Variants in NUP62CL observed in about 807,000 individuals in gnomAD.
NUP62CL encodes the protein nucleoporin-62 C-terminal-like protein.
A neutral mutation model predicts 15.3 loss-of-function variants in NUP62CL; 13 were observed. That is an observed-to-expected ratio of 0.85 (90% CI 0.55 to 1.35). The LOEUF (loss-of-function observed/expected upper bound fraction) is 1.35, where lower values mean the gene tolerates loss of function less well. NUP62CL is among the 40% of genes most tolerant of loss of function. The pLI, the probability that NUP62CL is intolerant of heterozygous loss-of-function variation, is 0.00. For synonymous variants in NUP62CL, 54 were observed against 49.2 expected (o/e 1.10, Z -0.41); for missense variants, 123 against 130.6 (o/e 0.94, Z 0.28).
intron 4 of NUP62CL, among the ~76,000 whole-genome samples, chrX:107,165,104 C>G (rs1243923811): frequency 9.3e-6 from 1 of 107,371 alleles, no homozygotes; most frequent in Non-Finnish European, 1.9e-5. Flanking sequence ...CCGTCTCAAA[C>G]AAACAAACAA....
intron 4 of NUP62CL, among the ~76,000 whole-genome samples, chrX:107,162,077 T>A (rs1163842484): frequency 9.1e-6 from 1 of 110,006 alleles, no homozygotes; most frequent in Non-Finnish European, 1.9e-5. Context: ...AGAACTGAAA[T>A]GTAAAATAAC....
intron 7 of NUP62CL, 88 bp from the exon 8 acceptor site, chrX:107,147,897 C>A: frequency 1.4e-6 from 1 of 696,654 alleles, no homozygotes; most frequent in South Asian, 2.7e-5. Flanking sequence ...TAGGAAGTGA[C>A]TTTTAATTTC....
intron 8 of NUP62CL, among the ~76,000 whole-genome samples, chrX:107,146,585 C>A (rs1925888382): frequency 9.0e-6 from 1 of 111,200 alleles, no homozygotes; most frequent in Admixed American, 9.6e-5. Context: ...CTAATTTTAT[C>A]ATTCCTTCTT....
At chrX:107,178,886 G>A (rs1045239659) in intron 2 of NUP62CL, among the ~76,000 whole-genome samples, 6 of 110,241 alleles carry the variant, frequency 5.4e-5, no homozygotes, top group Non-Finnish European at 1.1e-4. Context: ...CAGGTCAAGA[G>A]ATAGAGACCA....
chrX:107,163,916 A>T (rs1926447922), intron 4 of NUP62CL, among the ~76,000 whole-genome samples: 2 of 111,957 alleles, frequency 1.8e-5, no homozygotes, highest in Non-Finnish European at 3.8e-5. Context: ...AAAGGCGGAG[A>T]TTTCAAAAAG....
At chrX:107,174,128 TC>T (rs2147808830) in intron 3 of NUP62CL, among the ~76,000 whole-genome samples, 1 of 71,189 alleles carries the variant, frequency 1.4e-5, no homozygotes, top group South Asian at 1.4e-3. Flanking sequence ...TCTCTCCCCC[TC>T]TCTCTCTTTC....
At chrX:107,147,873 T>G in intron 7 of NUP62CL, 64 bp from the exon 8 acceptor site, 1 of 887,356 alleles carries the variant, frequency 1.1e-6, no homozygotes, top group Non-Finnish European at 1.6e-6. Context: ...AAAATAAACA[T>G]AAGAAATTGA....
At chrX:107,124,407 C>CACATGATT in intron 8 of NUP62CL, 75 bp from the exon 9 acceptor site, 1 of 320,232 alleles carries the variant, frequency 3.1e-6, no homozygotes, top group Admixed American at 3.8e-5. Flanking sequence ...GTATTCCTTT[C>CACATGATT]AACACATGAT....
intron 7 of NUP62CL, among the ~76,000 whole-genome samples, chrX:107,152,311 T>C (rs980343869): frequency 9.5e-6 from 1 of 105,382 alleles, no homozygotes; most frequent in Non-Finnish European, 1.9e-5. Context: ...AAAAAAATGA[T>C]AGAATGCATA....
At chrX:107,166,516 C>A (rs1926519075) in intron 4 of NUP62CL, among the ~76,000 whole-genome samples, 1 of 111,798 alleles carries the variant, frequency 8.9e-6, no homozygotes, top group African/African-American at 3.2e-5. Context: ...TCTTAAAAAA[C>A]AAAACAAACA....
intron 2 of NUP62CL, among the ~76,000 whole-genome samples, chrX:107,182,728 T>C (rs895088754): frequency 2.7e-5 from 3 of 111,136 alleles, no homozygotes; most frequent in African/African-American, 9.8e-5. Flanking sequence ...AGAGAAAGGA[T>C]GTCTATTTAA....
At position 107,147,814 on chromosome X, in the gene NUP62CL, A is replaced by G; in HGVS notation, c.531-5T>C. Reference sequence around the variant, plus strand: ...AATTCTGCAGATCTGGTGGAGCTAAAAATACATATAAGACTTTTAGATTAT... The same window carrying G: ...AATTCTGCAGATCTGGTGGAGCTAAGAATACATATAAGACTTTTAGATTAT... On this transcript the variant is annotated splice_region_variant and splice_polypyrimidine_tract_variant and intron_variant, in intron 7 of 8. Coordinates refer to ENST00000372466, the MANE Select transcript of NUP62CL (RefSeq NM_017681.3). 8.5e-7 allele frequency: 1 copy of G among 1,173,328 alleles called. No individual in the cohort carries two copies. Among genetic ancestry groups the G allele is most frequent in the Non-Finnish European group, 1.2e-6 (1 of 861,700 alleles).
chrX:107,190,277 C>T (rs769974217), intron 2 of NUP62CL, among the ~76,000 whole-genome samples: 1 of 112,052 alleles, frequency 8.9e-6, no homozygotes, highest in Non-Finnish European at 1.9e-5. Context: ...TGTCATACTA[C>T]CCTAAAGATA....
chrX:107,195,417 A>G (rs1002179900), intron 1 of NUP62CL, among the ~76,000 whole-genome samples: 7 of 111,756 alleles, frequency 6.3e-5, no homozygotes, highest in African/African-American at 2.3e-4. Flanking sequence ...TTGATCCTAA[A>G]GATTTTGATA....
At chrX:107,134,793 T>C (rs1925601170) in intron 8 of NUP62CL, among the ~76,000 whole-genome samples, 1 of 111,925 alleles carries the variant, frequency 8.9e-6, no homozygotes, top group Non-Finnish European at 1.9e-5. Flanking sequence ...CATTGGAAAA[T>C]GACTTACCTT....
chrX:107,173,410 G>C (rs192802995), intron 3 of NUP62CL, among the ~76,000 whole-genome samples: 1 of 112,229 alleles, frequency 8.9e-6, no homozygotes, highest in Admixed American at 9.4e-5. Context: ...CATACTTAAA[G>C]TGAGTTAATT....
intron 2 of NUP62CL, among the ~76,000 whole-genome samples, chrX:107,182,999 A>G (rs953783501): frequency 9.0e-6 from 1 of 111,059 alleles, no homozygotes; most frequent in Non-Finnish European, 1.9e-5. Flanking sequence ...GGAGTTCAAG[A>G]CCACCCTGGG....
intron 1 of NUP62CL, among the ~76,000 whole-genome samples, chrX:107,202,000 C>T (rs1602670314): frequency 9.0e-6 from 1 of 111,573 alleles, no homozygotes; most frequent in East Asian, 2.8e-4. Flanking sequence ...TAAAGACACA[C>T]AAAACAATAT....
chrX:107,161,059 A>G (rs1349117210), intron 4 of NUP62CL, among the ~76,000 whole-genome samples: 1 of 111,579 alleles, frequency 9.0e-6, no homozygotes, highest in Non-Finnish European at 1.9e-5. Flanking sequence ...CATCAGAGAA[A>G]TGCAAATCAA....
Sources: allele counts gnomAD v4.1 joint callset (sites outside exome capture counted in the v4.1 genomes callset), GRCh38; gene constraint gnomAD v4.1.1; transcripts MANE v1.5; gene names NCBI Gene and HGNC (gene_info 2026-07-23, HGNC 2026-07-21).